PCDH9: variants seen among roughly 807,000 people sequenced by gnomAD.
PCDH9 encodes protocadherin-9.
Under a neutral mutation model 70.6 loss-of-function variants are expected in PCDH9, and 24 were observed. The ratio of observed to expected loss-of-function variants is 0.34; its 90% CI spans 0.25 to 0.48. The LOEUF is 0.48. Ranked by LOEUF, PCDH9 falls within the 20% of genes least tolerant of loss-of-function variation. The pLI, the probability that PCDH9 is intolerant of heterozygous loss-of-function variation, is 0.99. For synonymous variants in PCDH9, 562 were observed against 558.5 expected, an observed-to-expected ratio of 1.01 and a Z score of -0.09; for missense variants, 1,281 against 1,503.6, an observed-to-expected ratio of 0.85 and a Z score of 2.45.
intron 3 of PCDH9, among the ~76,000 whole-genome samples, chr13:66,709,622 C>T (rs924704892): frequency 3.9e-5 from 6 of 152,146 alleles, no homozygotes; most frequent in Non-Finnish European, 7.4e-5. Flanking sequence ...TCTTCTGGTG[C>T]CTGAAAATGT....
chr13:66,327,300 A>G (rs755159563), intron 4 of PCDH9, among the ~76,000 whole-genome samples: 1 of 152,182 alleles, frequency 6.6e-6, no homozygotes, highest in East Asian at 1.9e-4. Context: ...ACAAAGCCCC[A>G]GTATCTAGTT....
intron 3 of PCDH9, chr13:66,879,960 A>C (rs1014936099): frequency 6.6e-6 from 1 of 152,220 alleles, no homozygotes; most frequent in African/African-American, 2.4e-5. Flanking sequence ...AGTTTATTAC[A>C]AATGAATGCA....
intron 2 of PCDH9, among the ~76,000 whole-genome samples, chr13:66,907,727 G>C (rs893541727): frequency 6.6e-6 from 1 of 152,094 alleles, no homozygotes; most frequent in Non-Finnish European, 1.5e-5. Flanking sequence ...TGTTTTCTTT[G>C]CTAAATAGGG....
chr13:66,737,503 C>T (rs187078913), intron 3 of PCDH9, among the ~76,000 whole-genome samples: 219 of 152,212 alleles, frequency 1.4e-3, no homozygotes, highest in African/African-American at 5.0e-3. Context: ...CCAAGATGGC[C>T]GAATAGGAAC....
chr13:67,006,206 G>C (rs1484906704), intron 2 of PCDH9, among the ~76,000 whole-genome samples: 1 of 151,982 alleles, frequency 6.6e-6, no homozygotes, highest in Non-Finnish European at 1.5e-5. Flanking sequence ...CAGCCTGGGC[G>C]ACAGAGAGAG....
At chr13:66,324,081 T>C (rs1053901741) in intron 4 of PCDH9, among the ~76,000 whole-genome samples, 3 of 151,970 alleles carry the variant, frequency 2.0e-5, no homozygotes, top group Admixed American at 2.0e-4. Flanking sequence ...TCCACCCTCC[T>C]CTTCTTTTAC....
At chr13:67,008,907 C>G (rs771569613) in intron 2 of PCDH9, among the ~76,000 whole-genome samples, 1 of 152,020 alleles carries the variant, frequency 6.6e-6, no homozygotes, top group East Asian at 1.9e-4. Flanking sequence ...TCTCATAGAA[C>G]AAGAACATTA....
At chr13:66,955,149 G>C (rs569678233) in intron 2 of PCDH9, among the ~76,000 whole-genome samples, 10 of 152,242 alleles carry the variant, frequency 6.6e-5, no homozygotes, top group African/African-American at 2.4e-4. Context: ...AAAGCCTCTT[G>C]CCAGGTTAAA....
intron 4 of PCDH9, among the ~76,000 whole-genome samples, chr13:66,335,754 T>C (rs1313059638): frequency 6.6e-6 from 1 of 152,142 alleles, no homozygotes; most frequent in Non-Finnish European, 1.5e-5. Context: ...GCTTTTCTTC[T>C]TGACAGTTTT....
intron 2 of PCDH9, among the ~76,000 whole-genome samples, chr13:67,045,372 C>A (rs1281738536): frequency 6.6e-6 from 1 of 152,068 alleles, no homozygotes; most frequent in Non-Finnish European, 1.5e-5. Flanking sequence ...AGTCCTTTCT[C>A]TTTTCCATCA....
intron 4 of PCDH9, among the ~76,000 whole-genome samples, chr13:66,561,909 G>T (rs1490734772): frequency 6.6e-6 from 1 of 151,992 alleles, no homozygotes; most frequent in Admixed American, 6.6e-5. Context: ...TTTCGCTCTT[G>T]GCAATAAATC....
chr13:66,366,549 A>G (rs1293294242), intron 4 of PCDH9, among the ~76,000 whole-genome samples: 1 of 152,036 alleles, frequency 6.6e-6, no homozygotes, highest in African/African-American at 2.4e-5. Context: ...TTGAACTATG[A>G]GACTTTTTAA....
intron 3 of PCDH9, among the ~76,000 whole-genome samples, chr13:66,761,804 A>G (rs2079632304): frequency 6.9e-6 from 1 of 145,674 alleles, no homozygotes; most frequent in South Asian, 2.3e-4. Flanking sequence ...TAGTTCTTGA[A>G]TATTGGTGAG....
intron 3 of PCDH9, among the ~76,000 whole-genome samples, chr13:66,875,321 C>A (rs951329911): frequency 2.6e-5 from 4 of 152,126 alleles, no homozygotes; most frequent in Non-Finnish European, 5.9e-5. Context: ...AAATTAATTT[C>A]ATATTAGATA....
chr13:67,122,971 G>T (rs957484888), intron 2 of PCDH9, among the ~76,000 whole-genome samples: 2 of 151,912 alleles, frequency 1.3e-5, no homozygotes, highest in South Asian at 4.2e-4. Context: ...CACAGACATT[G>T]AAAATAGTCA....
intron 2 of PCDH9, among the ~76,000 whole-genome samples, chr13:67,118,286 A>G (rs984709502): frequency 2.6e-5 from 4 of 152,148 alleles, no homozygotes; most frequent in African/African-American, 7.2e-5. Context: ...ACTAGTTGGT[A>G]CTTTTATTCA....
intron 2 of PCDH9, among the ~76,000 whole-genome samples, chr13:66,981,164 C>T (rs574433180): frequency 1.3e-5 from 2 of 152,210 alleles, no homozygotes; most frequent in African/African-American, 4.8e-5. Context: ...GTAGGCCGGT[C>T]GCGGTGGCTC....
intron 3 of PCDH9, among the ~76,000 whole-genome samples, chr13:66,896,716 T>C (rs889764547): frequency 1.3e-5 from 2 of 152,194 alleles, no homozygotes; most frequent in African/African-American, 4.8e-5. Context: ...TGTGTTTAGA[T>C]ACTATACTAA....
intron 3 of PCDH9, among the ~76,000 whole-genome samples, chr13:66,757,377 T>G (rs2079553450): frequency 6.6e-6 from 1 of 152,196 alleles, no homozygotes; most frequent in African/African-American, 2.4e-5. Flanking sequence ...GGTGACTAAA[T>G]TATTTTTAGG....
Sources: allele counts gnomAD v4.1 joint callset (sites outside exome capture counted in the v4.1 genomes callset), GRCh38; gene constraint gnomAD v4.1.1; transcripts MANE v1.5; gene names NCBI Gene and HGNC (gene_info 2026-07-23, HGNC 2026-07-21).